Variants in FBXL14 observed in about 807,000 individuals in gnomAD.
The protein encoded by FBXL14 is F-box/LRR-repeat protein 14.
Under a neutral mutation model 24.5 loss-of-function variants are expected in FBXL14, and 11 were observed. That is an observed-to-expected ratio of 0.45 (90% CI 0.28 to 0.74). The LOEUF (loss-of-function observed/expected upper bound fraction) is 0.74. Ranked by LOEUF, FBXL14 falls within the 30% of genes least tolerant of loss-of-function variation. The pLI, the probability that FBXL14 is intolerant of heterozygous loss-of-function variation, is 0.12. For synonymous variants in FBXL14, 294 were observed against 240.4 expected (o/e 1.22, Z -2.06); for missense variants, 384 against 545.6 (o/e 0.70, Z 2.95).
At chr12:1,581,321 A>G (rs2094465872) in intron 1 of FBXL14, among the ~76,000 whole-genome samples, 1 of 152,196 alleles carries the variant, frequency 6.6e-6, no homozygotes, top group Non-Finnish European at 1.5e-5. Context: ...GTGGATTTGC[A>G]GACTGAGCCA....
intron 1 of FBXL14, among the ~76,000 whole-genome samples, chr12:1,572,286 G>A (rs953718497): frequency 2.0e-5 from 3 of 152,228 alleles, no homozygotes; most frequent in South Asian, 2.1e-4. Flanking sequence ...CAAAGTGCAC[G>A]ATACGGTGTG....
intron 1 of FBXL14, among the ~76,000 whole-genome samples, chr12:1,572,049 G>T (rs562319000): frequency 6.6e-6 from 1 of 152,326 alleles, no homozygotes; most frequent in Admixed American, 6.5e-5. Context: ...CCAAGGATGG[G>T]GAGGGATGAC....
intron 1 of FBXL14, among the ~76,000 whole-genome samples, chr12:1,577,675 G>A (rs73605878): frequency 6.6e-6 from 1 of 152,336 alleles, no homozygotes; most frequent in African/African-American, 2.4e-5. Context: ...AGGGTGAGCA[G>A]GGAGCTAGCT....
chr12:1,585,164 C>T (rs1565588019), intron 1 of FBXL14, among the ~76,000 whole-genome samples: 1 of 151,910 alleles, frequency 6.6e-6, no homozygotes, highest in Non-Finnish European at 1.5e-5. Flanking sequence ...TTTGGGAGGC[C>T]GAGGCAGGCG....
At chr12:1,583,530 T>C (rs938848722) in intron 1 of FBXL14, among the ~76,000 whole-genome samples, 4 of 152,248 alleles carry the variant, frequency 2.6e-5, no homozygotes, top group African/African-American at 9.6e-5. Context: ...ATTCCTCATT[T>C]GTCAACTCTT....
In FBXL14 at chr12:1,593,476, C is replaced by T; in HGVS notation, c.591G>A (p.Ala197=). 1 of 1,613,882 alleles carries T rather than the reference C, an allele frequency of 6.2e-7. No individual in the cohort carries two copies. Among genetic ancestry groups the T allele is most frequent in the South Asian group, 1.1e-5 (1 of 91,080 alleles). ...IGHLAGMTRS[A]AEGCLGLEQL... The stretch of plus-strand genomic sequence containing the variant: ...GCTCCAGGCCCAGGCAGCCCTCCGC[C>T]GCGCTGCGCGTCATGCCGGCCAGGT... Residue 197 remains alanine, a synonymous_variant, in exon 1 of 2, where the codon GCG becomes GCA. Transcript: ENST00000339235. This position sits in a 1 kb window ranked among gnomAD's most constrained non-coding sequence, Gnocchi z 7.4.
chr12:1,590,846 G>T (rs2094487966), intron 1 of FBXL14, among the ~76,000 whole-genome samples: 2 of 152,094 alleles, frequency 1.3e-5, no homozygotes, highest in Admixed American at 1.3e-4. Flanking sequence ...TGACTGAGCC[G>T]GCAAGCACGC....
At chr12:1,578,001 G>A (rs1565584771) in intron 1 of FBXL14, among the ~76,000 whole-genome samples, 1 of 152,152 alleles carries the variant, frequency 6.6e-6, no homozygotes, top group Non-Finnish European at 1.5e-5. Context: ...TTTTCTCCGT[G>A]GATTCAGGGG....
intron 1 of FBXL14, among the ~76,000 whole-genome samples, chr12:1,592,585 C>G (rs372100810): frequency 2.0e-5 from 3 of 152,208 alleles, no homozygotes; most frequent in African/African-American, 7.2e-5. Flanking sequence ...TCCTCCACCC[C>G]CTGCAGGGGA....
At chr12:1,586,427 G>T (rs775136252) in intron 1 of FBXL14, among the ~76,000 whole-genome samples, 4 of 152,106 alleles carry the variant, frequency 2.6e-5, no homozygotes, top group Non-Finnish European at 4.4e-5. Context: ...GGCTGGTCTT[G>T]AACTCGTGTG....
chr12:1,587,094 G>A (rs577954747), intron 1 of FBXL14, among the ~76,000 whole-genome samples: 10 of 152,124 alleles, frequency 6.6e-5, no homozygotes, highest in East Asian at 1.9e-4. Flanking sequence ...AAAATTAGCC[G>A]GGCGTGGTGG....
Position 1,593,735 on chromosome 12 carries a change from G to A in FBXL14, c.332C>T (p.Ala111Val), listed in dbSNP as rs1299584185. Residue 111 changes from alanine (A) to valine (V), a missense_variant, in exon 1 of 2, where the codon GCG becomes GTG. Ala to Val is a moderately conservative substitution (Grantham distance 64). Coordinates refer to ENST00000339235, the MANE Select transcript of FBXL14 (RefSeq NM_152441.3). This position sits in a 1 kb window ranked among gnomAD's most constrained non-coding sequence, Gnocchi z 7.4. ...YNLTDNGLGH[A>V]FVQEIGSLRA... The stretch of plus-strand genomic sequence containing the variant: ...CAGGGAGCCGATCTCCTGCACAAAC[G>A]CGTGGCCCAGCCCGTTGTCGGTGAG... 1.2e-6 allele frequency: 2 copies of A among 1,614,020 alleles called. No individual in the cohort carries two copies. Among genetic ancestry groups the A allele is most frequent in the Non-Finnish European group, 1.7e-6 (2 of 1,180,028 alleles).
chr12:1,568,824 G>A (rs1278175634), intron 1 of FBXL14, among the ~76,000 whole-genome samples: 2 of 152,122 alleles, frequency 1.3e-5, no homozygotes, highest in Non-Finnish European at 2.9e-5. Flanking sequence ...TCACGCCATT[G>A]CCCTCCAGCC....
chr12:1,590,829 G>A (rs771674512), intron 1 of FBXL14, among the ~76,000 whole-genome samples: 16 of 152,172 alleles, frequency 1.1e-4, no homozygotes, highest in Non-Finnish European at 1.6e-4. Flanking sequence ...GGGAGATTCA[G>A]TATGCATGAC....
rs1041618521 is a variant in FBXL14 at position 1,579,354 on chromosome 12, G to A, written c.1195-12544C>T. ...ATCTGGGCCGGGCACGGTGGCTCAC[G>A]CCTGTAATCCCAGCACTTTGGGAGG... On this transcript the variant is annotated intron_variant, in intron 1 of 1. Coordinates refer to ENST00000339235, the MANE Select transcript of FBXL14 (RefSeq NM_152441.3). This position sits in a 1 kb window ranked among gnomAD's most constrained non-coding sequence, Gnocchi z 4.3. 4.0e-5 allele frequency among the ~76,000 whole-genome samples: 6 copies of A among 150,988 alleles called. No homozygotes were observed. The highest frequency in any genetic ancestry group is 1.5e-4 in the African/African-American group (6 of 41,336).
At chr12:1,574,915 A>AG (rs1248185029) in intron 1 of FBXL14, 1 of 150,828 alleles carries the variant, frequency 6.6e-6, no homozygotes, top group Non-Finnish European at 1.5e-5. Flanking sequence ...TTTTTAAAAA[A>AG]AAAAATTATC....
At chr12:1,588,682 G>T (rs1213736342) in intron 1 of FBXL14, among the ~76,000 whole-genome samples, 1 of 152,116 alleles carries the variant, frequency 6.6e-6, no homozygotes, top group East Asian at 1.9e-4. Flanking sequence ...CCCAGTTTCT[G>T]TTGAGGTTTA....
intron 1 of FBXL14, among the ~76,000 whole-genome samples, chr12:1,582,468 C>G (rs1384399022): frequency 6.6e-6 from 1 of 152,098 alleles, no homozygotes; most frequent in Non-Finnish European, 1.5e-5. Context: ...GCTTTTCTTT[C>G]CTTTACAACC....
intron 1 of FBXL14, among the ~76,000 whole-genome samples, chr12:1,583,354 C>T (rs560420162): frequency 2.2e-4 from 34 of 151,600 alleles, no homozygotes; most frequent in Admixed American, 1.0e-3. Flanking sequence ...GTATGAAGTG[C>T]CCTTTAAGAA....
Sources: allele counts gnomAD v4.1 joint callset (sites outside exome capture counted in the v4.1 genomes callset), GRCh38; gene constraint gnomAD v4.1.1; non-coding constraint Gnocchi (gnomAD v3.1); transcripts MANE v1.5; gene names NCBI Gene and HGNC (gene_info 2026-07-23, HGNC 2026-07-21).